Variants in XYLB observed in about 807,000 individuals in gnomAD.
XYLB encodes the protein xylulose kinase.
Under a neutral mutation model 78.7 loss-of-function variants are expected in XYLB, and 62 were observed. The observed-to-expected ratio is 0.79, with a 90% CI of 0.64 to 0.97. The LOEUF (loss-of-function observed/expected upper bound fraction) is 0.97, where lower values mean the gene tolerates loss of function less well. Ranked by LOEUF, XYLB falls within the 50% of genes least tolerant of loss-of-function variation. The pLI is 0.00. For missense variants in XYLB, 687 were observed against 676.8 expected (o/e 1.02, Z -0.17); for synonymous variants, 245 against 247.4 (o/e 0.99, Z 0.09).
downstream of XYLB, among the ~76,000 whole-genome samples, chr3:38,422,507 A>G (rs1709010110): frequency 6.6e-6 from 1 of 152,330 alleles, no homozygotes; most frequent in South Asian, 2.1e-4. Flanking sequence ...GGACGTTTCA[A>G]TCATTTCTCT....
intron 15 of XYLB, among the ~76,000 whole-genome samples, chr3:38,389,606 C>A (rs142960237): frequency 1.1e-4 from 16 of 151,410 alleles, no homozygotes; most frequent in African/African-American, 2.9e-4. Flanking sequence ...CCGGACGGGG[C>A]GGCTGGCCGG....
chr3:38,372,850 C>T (rs1255771563), intron 10 of XYLB, 114 bp downstream of exon 10: 4 of 1,136,380 alleles, frequency 3.5e-6, no homozygotes, highest in African/African-American at 1.5e-5. Flanking sequence ...TCCTCACCAC[C>T]CCCACCCATG....
At chr3:38,374,378 T>C (rs1706735242) in intron 10 of XYLB, 84 bp from the exon 11 acceptor site, 2 of 1,603,118 alleles carry the variant, frequency 1.2e-6, no homozygotes, top group Admixed American at 3.4e-5. Flanking sequence ...GTGGGGGCTC[T>C]GCGCCTGCCT....
intron 4 of XYLB, 76 bp downstream of exon 4, chr3:38,363,093 C>T (rs1706063620): frequency 4.0e-6 from 5 of 1,247,940 alleles, no homozygotes; most frequent in Non-Finnish European, 1.1e-6. Flanking sequence ...GAAGAGATGG[C>T]AACCCTTGGA....
intron 17 of XYLB, among the ~76,000 whole-genome samples, chr3:38,397,909 C>T (rs1224418999): frequency 6.7e-6 from 1 of 149,346 alleles, no homozygotes; most frequent in Admixed American, 6.7e-5. Flanking sequence ...AGCTCTGCCT[C>T]CCGGGTTCAC....
the XYLB span, among the ~76,000 whole-genome samples, chr3:38,438,913 C>T: frequency 6.6e-6 from 1 of 152,132 alleles, no homozygotes; most frequent in Non-Finnish European, 1.5e-5. Context: ...CCACAGAGAG[C>T]TGATTGGTGC....
chr3:38,378,911 G>A (rs1051175097), intron 14 of XYLB, among the ~76,000 whole-genome samples: 20 of 151,224 alleles, frequency 1.3e-4, no homozygotes, highest in African/African-American at 4.9e-4. Flanking sequence ...CCTCTGTTTT[G>A]TTAAGAAAAA....
intron 17 of XYLB, 85 bp downstream of exon 17, chr3:38,397,244 T>C: frequency 7.8e-7 from 1 of 1,288,442 alleles, no homozygotes; most frequent in South Asian, 1.2e-5. Context: ...GAGAGTGAGG[T>C]GTACCCAGTC....
chr3:38,436,504 T>C, the XYLB span, among the ~76,000 whole-genome samples: 3 of 152,082 alleles, frequency 2.0e-5, no homozygotes, highest in Non-Finnish European at 4.4e-5. Context: ...AAAGAACTAA[T>C]ACCAACCCTC....
chr3:38,419,879 G>A (rs921376314), downstream of XYLB, among the ~76,000 whole-genome samples: 1 of 151,858 alleles, frequency 6.6e-6, no homozygotes, highest in Non-Finnish European at 1.5e-5. Flanking sequence ...GAATGCAGTG[G>A]CACCATCTCG....
intron 12 of XYLB, among the ~76,000 whole-genome samples, chr3:38,375,690 C>G (rs1706817741): frequency 6.6e-6 from 1 of 152,172 alleles, no homozygotes; most frequent in African/African-American, 2.4e-5. Flanking sequence ...AAGGGACATG[C>G]TCTGTGCTCT....
At chr3:38,386,756 G>A (rs1229806927) in intron 15 of XYLB, among the ~76,000 whole-genome samples, 7 of 152,002 alleles carry the variant, frequency 4.6e-5, no homozygotes, top group African/African-American at 7.3e-5. Flanking sequence ...GATGTCTTCC[G>A]GGCTAAAGGG....
chr3:38,403,226 G>A (rs1484878282), intron 18 of XYLB, among the ~76,000 whole-genome samples: 1 of 151,674 alleles, frequency 6.6e-6, no homozygotes, highest in Non-Finnish European at 1.5e-5. Flanking sequence ...CCCAGAAGGT[G>A]GAGGTTGCAG....
In XYLB at chr3:38,413,958, TTTC is replaced by T. The variant is rs1708702801; in HGVS notation, c.*949_*951del. 6.6e-6 allele frequency: 1 copy of T among 152,216 alleles called. No individual in the cohort carries two copies. 9.4% of individuals were successfully genotyped at this position (152,216 alleles called of 1,614,324 possible). ...CTGAAAAGTGATTCTCACTTTGAGT[TTTC>T]TTCCTATATTTGTATAGTGAGTTCC... On this transcript the variant is annotated 3_prime_UTR_variant, in exon 19 of 19. Transcript: ENST00000207870.
chr3:38,398,758 C>T (rs1707996984), intron 17 of XYLB, among the ~76,000 whole-genome samples: 1 of 149,368 alleles, frequency 6.7e-6, no homozygotes, highest in Non-Finnish European at 1.5e-5. Flanking sequence ...GGTGCAGTAG[C>T]TCACGCCTGT....
At chr3:38,362,649 G>A (rs1397871726) in intron 3 of XYLB, among the ~76,000 whole-genome samples, 6 of 152,118 alleles carry the variant, frequency 3.9e-5, no homozygotes, top group Admixed American at 6.6e-5. Flanking sequence ...GAACCAGAGC[G>A]AGACCCTGTC....
rs148826157 is a variant in XYLB at position 38,392,378 on chromosome 3, A to G, written c.1292-3127A>G. 7.9e-3 allele frequency among the ~76,000 whole-genome samples: 1,206 copies of G among 152,252 alleles called. 6 individuals carry two copies. Among genetic ancestry groups the G allele is most frequent in the Non-Finnish European group, 0.014 (958 of 68,026 alleles). On this transcript the variant is annotated intron_variant, in intron 15 of 18. Transcript: ENST00000207870. ...CAATGGCGCGATCTCGGCTCACTGC[A>G]ACCTCCACCTCCCGGTTCAAGTGAT...
chr3:38,379,415 A>G (rs2125612417), intron 15 of XYLB, 73 bp downstream of exon 15: 1 of 1,464,650 alleles, frequency 6.8e-7, no homozygotes, highest in East Asian at 2.3e-5. Flanking sequence ...GGCCAGGGCT[A>G]GTGGGGCAAT....
At chr3:38,350,131 A>C (rs1705283562) in intron 2 of XYLB, among the ~76,000 whole-genome samples, 1 of 152,176 alleles carries the variant, frequency 6.6e-6, no homozygotes, top group South Asian at 2.1e-4. Flanking sequence ...TTTTAGACAC[A>C]CTTCCTCTTT....
Sources: gnomAD v4.1 joint callset for allele counts (sites outside exome capture counted in the v4.1 genomes callset) on GRCh38, gnomAD v4.1.1 for gene constraint, MANE v1.5 for transcripts, NCBI Gene and HGNC (gene_info 2026-07-23, HGNC 2026-07-21) for gene names.